Variants in PABPC4 observed in about 807,000 individuals in gnomAD.
PABPC4 encodes the protein poly(A) binding protein cytoplasmic 4.
PABPC4 carries 15 observed loss-of-function variants against 74.5 expected under a neutral mutation model. The observed-to-expected ratio is 0.20, with a 90% confidence interval of 0.13 to 0.31. PABPC4 has a LOEUF of 0.31. PABPC4 is among the 10% of genes least tolerant of loss of function. The probability of loss-of-function intolerance (pLI) is 1.00; values close to 1 mark genes in which losing one functional copy is unlikely to be tolerated. For synonymous variants in PABPC4, 345 were observed against 303.0 expected (o/e 1.14, Z -1.44); for missense variants, 610 against 853.5 (o/e 0.71, Z 3.55).
chr1:39,565,790 T>C (rs1448146748), intron 7 of PABPC4, among the ~76,000 whole-genome samples: 2 of 151,998 alleles, frequency 1.3e-5, no homozygotes, highest in Admixed American at 6.5e-5. Flanking sequence ...ATCGCGCCAC[T>C]GCACTCCAGC....
At chr1:39,562,238 A>G (rs1645777672) in intron 13 of PABPC4, 35 bp from the exon 14 acceptor site, 11 of 1,613,646 alleles carry the variant, frequency 6.8e-6, no homozygotes, top group Non-Finnish European at 9.3e-6. Context: ...AAACAAATCA[A>G]ATCCCAGTAA....
intron 1 of PABPC4, among the ~76,000 whole-genome samples, chr1:39,573,590 G>A (rs1021314022): frequency 6.6e-6 from 1 of 152,150 alleles, no homozygotes; most frequent in South Asian, 2.1e-4. Flanking sequence ...AGGCCAAGGC[G>A]GGTGGATTAC....
In PABPC4 at chr1:39,560,873, A is replaced by G. The variant is rs2124434948; in HGVS notation, c.*263T>C. 2 of 207,736 alleles carry G rather than the reference A, an allele frequency of 9.6e-6. No individual in the cohort carries two copies. The highest frequency in any genetic ancestry group is 1.5e-4 in the South Asian group (2 of 13,406). 12.9% of individuals were successfully genotyped at this position (207,736 alleles called of 1,614,324 possible). The stretch of plus-strand genomic sequence containing the variant: ...CGTAAGACTTGGGTACATCAAATAA[A>G]ACCAATTTCTGGGGGAAAAAATCAA... On this transcript the variant is annotated 3_prime_UTR_variant, in exon 16 of 16. Coordinates refer to ENST00000372858, the MANE Select transcript of PABPC4 (RefSeq NM_001135653.2).
intron 7 of PABPC4, among the ~76,000 whole-genome samples, chr1:39,566,663 T>C (rs17572321): frequency 0.029 from 4,389 of 152,280 alleles, 101 homozygotes; most frequent in Middle Eastern, 0.068. Flanking sequence ...ACCAATGAGA[T>C]GGGCCAGTAA....
At chr1:39,567,472 G>A (rs369905204) in intron 7 of PABPC4, 11 of 570,630 alleles carry the variant, frequency 1.9e-5, no homozygotes, top group South Asian at 2.8e-5. Context: ...TCCCCACACC[G>A]GCACGAGGCA....
In PABPC4 at chr1:39,576,023, G is replaced by A. The variant is rs1646020944; in HGVS notation, c.-72C>T. 1.8e-6 allele frequency: 2 copies of A among 1,093,248 alleles called. No homozygotes were observed. Among genetic ancestry groups the A allele is most frequent in the East Asian group, 6.3e-5 (2 of 31,730 alleles). The allele number at this position is 1,093,248 out of a possible 1,614,324, so 67.7% of individuals were successfully genotyped here. A position where few individuals can be genotyped will look rare whatever the true frequency, so the allele number is the denominator to read the frequency against. On this transcript the variant is annotated 5_prime_UTR_variant, in exon 1 of 16. Transcript: ENST00000372858. ...CGGGCCCGCCGCAGGACAAAGGGGC[G>A]CCTTCGGAGCCCGGGCCCGCGCCGC...
chr1:39,567,677 C>T, intron 7 of PABPC4, 74 bp downstream of exon 7: 1 of 812,284 alleles, frequency 1.2e-6, no homozygotes, highest in Non-Finnish European at 2.1e-6. Flanking sequence ...AATGCTATTC[C>T]TTCAATGGGA....
rs1225021030 is a variant in PABPC4 at position 39,572,649 on chromosome 1, TAAG to T, written c.194-66_194-64del. Reference sequence around the variant, plus strand: ...CGTCAGCTCCCACAGGCCAACAGCCTAAGAACAGATTACTCCAGGACTTTTCAA... The same window carrying T: ...CGTCAGCTCCCACAGGCCAACAGCCTAACAGATTACTCCAGGACTTTTCAA... On this transcript the variant is annotated intron_variant, in intron 1 of 15. Transcript: ENST00000372858. The T allele has an allele frequency of 2.5e-5, 32 of 1,272,636 alleles. No homozygotes were observed. The South Asian group carries it at 3.9e-4, about 16-fold the overall frequency. The allele number at this position is 1,272,636 out of a possible 1,614,324, so 78.8% of individuals were successfully genotyped here.
rs1349626249 is a variant in PABPC4 at position 39,562,084 on chromosome 1, G to A, written c.1882C>T (p.Leu628Phe). 2 of 1,612,992 alleles carry A rather than the reference G, an allele frequency of 1.2e-6. No individual in the cohort carries two copies. The highest frequency in any genetic ancestry group is 1.7e-6 in the Non-Finnish European group (2 of 1,179,984). ...LLHMLESPES[L>F]RSKVDEAVAV... ...GAGCCCCAGCTCACCTTGGAGCGGAGAGACTCGGGGGACTCTAACATGTGC... is the reference window on the plus strand; with the variant it reads ...GAGCCCCAGCTCACCTTGGAGCGGAAAGACTCGGGGGACTCTAACATGTGC... The change falls in exon 14 of 16, where the codon CTC becomes TTC. Residue 628 changes from leucine to phenylalanine, a missense_variant. Around this residue, in one of 4 missense-constraint regions of PABPC4, gnomAD observed 29 missense variants for 51.6 expected, o/e 0.56. Coordinates refer to ENST00000372858, the MANE Select transcript of PABPC4 (RefSeq NM_001135653.2).
chr1:39,574,511 A>G (rs1326716778), intron 1 of PABPC4, among the ~76,000 whole-genome samples: 3 of 152,234 alleles, frequency 2.0e-5, no homozygotes, highest in African/African-American at 7.2e-5. Flanking sequence ...AAAGTCAGTA[A>G]GGCAGACAAC....
chr1:39,572,022 C>A (rs538987086), intron 2 of PABPC4, among the ~76,000 whole-genome samples: 9 of 152,198 alleles, frequency 5.9e-5, no homozygotes, highest in Non-Finnish European at 1.2e-4. Flanking sequence ...TTAAAGTGCT[C>A]AGCATAGAAC....
At position 39,575,892 on chromosome 1, in the gene PABPC4, C is replaced by T; in HGVS notation, c.60G>A (p.Ser20=). 6.2e-7 allele frequency: 1 copy of T among 1,611,460 alleles called. No individual in the cohort carries two copies. Among genetic ancestry groups the T allele is most frequent in the Non-Finnish European group, 8.5e-7 (1 of 1,179,152 alleles). Residue 20 remains serine (S), a synonymous_variant, in exon 1 of 16, where the codon TCG becomes TCA. Coordinates refer to ENST00000372858, the MANE Select transcript of PABPC4 (RefSeq NM_001135653.2). ...MASLYVGDLH[S]DVTEAMLYEK... ...CGTACAGCATGGCCTCGGTGACGTCCGAATGCAGGTCGCCCACGTACAGGG... is the reference window on the plus strand; with the variant it reads ...CGTACAGCATGGCCTCGGTGACGTCTGAATGCAGGTCGCCCACGTACAGGG...
At chr1:39,567,692 T>C (rs1292394652) in intron 7 of PABPC4, 59 bp downstream of exon 7, 1 of 854,822 alleles carries the variant, frequency 1.2e-6, no homozygotes, top group Non-Finnish European at 2.0e-6. Context: ...ATGGGACAAA[T>C]GCCAATAAGC....
At chr1:39,568,034 A>G (rs1180616469) in intron 6 of PABPC4, 188 bp from the exon 7 acceptor site, 7 of 476,942 alleles carry the variant, frequency 1.5e-5, no homozygotes, top group Admixed American at 1.1e-4. Context: ...GAGGCGGGCG[A>G]ATCACAAGGT....
intron 1 of PABPC4, 38 bp from the exon 2 acceptor site, chr1:39,572,624 C>T (rs775035838): frequency 6.5e-6 from 10 of 1,537,178 alleles, no homozygotes; most frequent in South Asian, 4.5e-5. Flanking sequence ...GGAGAGAAAA[C>T]GTCAGCTCCC....
In PABPC4 at chr1:39,572,399, G is replaced by A. The variant is rs762945571; in HGVS notation, c.381C>T (p.Ser127=). ...TCATTTAATCAATGTTTACCTTGCA[G>A]GACAGTATGTTTCCAAAAGCAGAAA... ...DTFSAFGNIL[S]CKVVCDENGS... The change falls in exon 2 of 16, where the codon TCC becomes TCT. Residue 127 remains serine (S), a synonymous_variant. Transcript: ENST00000372858. 2.5e-6 allele frequency: 4 copies of A among 1,605,906 alleles called. No individual in the cohort carries two copies. The highest frequency in any genetic ancestry group is 1.1e-5 in the South Asian group (1 of 90,900).
In PABPC4 at chr1:39,572,641, C is replaced by T. The variant is rs1645958972; in HGVS notation, c.194-55G>A. On this transcript the variant is annotated intron_variant, in intron 1 of 15. Coordinates refer to ENST00000372858, the MANE Select transcript of PABPC4 (RefSeq NM_001135653.2). Reference sequence around the variant, plus strand: ...AGAGAAAACGTCAGCTCCCACAGGCCAACAGCCTAAGAACAGATTACTCCA... The same window carrying T: ...AGAGAAAACGTCAGCTCCCACAGGCTAACAGCCTAAGAACAGATTACTCCA... The T allele has an allele frequency of 5.1e-6, 7 of 1,385,592 alleles. No homozygotes were observed. In the Admixed American group the frequency reaches 1.2e-4, roughly 25 times the overall value. The allele number at this position is 1,385,592 out of a possible 1,614,324, so 85.8% of individuals were successfully genotyped here. A position where few individuals can be genotyped will look rare whatever the true frequency, so the allele number is the denominator to read the frequency against.
At position 39,562,344 on chromosome 1, in the gene PABPC4, G is replaced by T; in HGVS notation, c.1741C>A (p.Gln581Lys). ...TASMLAAAPP[Q>K]EQKQMLGERL... The stretch of plus-strand genomic sequence containing the variant: ...TCACCCAGCATCTGCTTCTGTTCCT[G>T]GGGGGGTGCTGCAGCCAGCATGGAG... Residue 581 changes from glutamine to lysine, a missense_variant, in exon 13 of 16, where the codon CAG becomes AAG. By Grantham distance (53) the Gln-to-Lys change is moderately conservative (BLOSUM62 1). Around this residue, in one of 4 missense-constraint regions of PABPC4, gnomAD observed 277 missense variants for 301.8 expected, o/e 0.92. Coordinates refer to ENST00000372858, the MANE Select transcript of PABPC4 (RefSeq NM_001135653.2). 1 of 1,611,790 alleles carries T rather than the reference G, an allele frequency of 6.2e-7. No homozygotes were observed. Among genetic ancestry groups the T allele is most frequent in the Non-Finnish European group, 8.5e-7 (1 of 1,178,150 alleles).
chr1:39,573,247 TAAAC>T (rs1282753849), intron 1 of PABPC4: 1 of 151,642 alleles, frequency 6.6e-6, no homozygotes, highest in Non-Finnish European at 1.5e-5. Context: ...GAAATTGACT[TAAAC>T]AAAAAAGCAT....
Sources: allele counts gnomAD v4.1 joint callset (sites outside exome capture counted in the v4.1 genomes callset), GRCh38; gene constraint gnomAD v4.1.1; regional missense constraint gnomAD v4.1.1; transcripts MANE v1.5; gene names NCBI Gene and HGNC (gene_info 2026-07-23, HGNC 2026-07-21).